TERB1: variants seen among roughly 807,000 people sequenced by gnomAD.
The protein encoded by TERB1 is telomere repeats-binding bouquet formation protein 1.
Under a neutral mutation model 92.3 loss-of-function variants are expected in TERB1, and 63 were observed. The observed-to-expected ratio is 0.68, with a 90% confidence interval of 0.56 to 0.84. TERB1 has a LOEUF of 0.84. TERB1 is among the 40% of genes least tolerant of loss of function. The pLI, the probability that TERB1 is intolerant of heterozygous loss-of-function variation, is 0.00. For missense variants in TERB1, 709 were observed against 843.7 expected, an observed-to-expected ratio of 0.84 and a Z score of 1.98; for synonymous variants, 252 against 283.9, an observed-to-expected ratio of 0.89 and a Z score of 1.13.
intron 12 of TERB1, 117 bp from the exon 13 acceptor site, chr16:66,772,866 C>A: frequency 1.3e-6 from 1 of 741,852 alleles, no homozygotes; most frequent in Non-Finnish European, 2.1e-6. Flanking sequence ...ACTATCTTAA[C>A]AGCTTAATTG....
At chr16:66,778,810 C>T in intron 10 of TERB1, 53 bp downstream of exon 10, 1 of 1,379,418 alleles carries the variant, frequency 7.2e-7, no homozygotes, top group Non-Finnish European at 9.7e-7. Context: ...ACTCTTCATG[C>T]TATATTCAAA....
intron 2 of TERB1, among the ~76,000 whole-genome samples, chr16:66,798,888 A>C (rs1467760844): frequency 6.6e-6 from 1 of 152,278 alleles, no homozygotes; most frequent in Non-Finnish European, 1.5e-5. Flanking sequence ...GGGAATTATA[A>C]GGACGAAGAT....
chr16:66,797,623 CCACA>C (rs71145942), intron 2 of TERB1, among the ~76,000 whole-genome samples: 537 of 140,924 alleles, frequency 3.8e-3, no homozygotes, highest in Middle Eastern at 0.01. Flanking sequence ...TAAAAACACA[CCACA>C]CACACACACA....
At chr16:66,773,323 G>A (rs1259080180) in intron 12 of TERB1, among the ~76,000 whole-genome samples, 1 of 152,186 alleles carries the variant, frequency 6.6e-6, no homozygotes, top group Non-Finnish European at 1.5e-5. Flanking sequence ...GACAGAGTGA[G>A]ACTTCGTCTC....
At chr16:66,758,943 C>T in intron 17 of TERB1, 105 bp from the exon 18 acceptor site, 1 of 954,588 alleles carries the variant, frequency 1.0e-6, no homozygotes, top group East Asian at 2.7e-5. Context: ...AGTGGGAATA[C>T]TTAGATAGAT....
intron 18 of TERB1, among the ~76,000 whole-genome samples, chr16:66,755,928 A>G (rs537189851): frequency 5.8e-4 from 88 of 152,300 alleles, no homozygotes; most frequent in Middle Eastern, 6.8e-3. Context: ...GGTCTTTTGA[A>G]ATTTGCTTTT....
At chr16:66,793,677 A>C (rs1343179135) in intron 3 of TERB1, among the ~76,000 whole-genome samples, 2 of 152,016 alleles carry the variant, frequency 1.3e-5, no homozygotes, top group Non-Finnish European at 2.9e-5. Flanking sequence ...ACGCCCAGCT[A>C]AATTTTTTTT....
At chr16:66,760,391 G>A (rs111813412) in intron 16 of TERB1, among the ~76,000 whole-genome samples, 16 of 140,544 alleles carry the variant, frequency 1.1e-4, no homozygotes, top group Admixed American at 6.5e-4. Context: ...CCCGCCAGGC[G>A]GAGGCTGCAG....
chr16:66,787,283 CTTTTTT>C (rs58213946), intron 6 of TERB1, among the ~76,000 whole-genome samples: 3 of 137,890 alleles, frequency 2.2e-5, no homozygotes, highest in African/African-American at 5.3e-5. Flanking sequence ...TTTTCTTTTT[CTTTTTT>C]TTTTTTTTTT....
intron 18 of TERB1, among the ~76,000 whole-genome samples, chr16:66,756,488 T>C (rs376809032): frequency 1.4e-4 from 21 of 152,204 alleles, no homozygotes; most frequent in African/African-American, 4.8e-4. Flanking sequence ...AGTCAATAAA[T>C]ACTTGTTGAG....
intron 18 of TERB1, among the ~76,000 whole-genome samples, chr16:66,757,244 G>C (rs766660944): frequency 1.3e-5 from 2 of 152,134 alleles, no homozygotes; most frequent in Non-Finnish European, 2.9e-5. Flanking sequence ...ACAAAAAAAA[G>C]GCATGTTTTT....
At position 66,772,645 on chromosome 16, in the gene TERB1, T is replaced by G. The variant is rs747784647; in HGVS notation, c.1216A>C (p.Arg406=). 2 of 1,551,584 alleles carry G rather than the reference T, an allele frequency of 1.3e-6. No homozygotes were observed. The stretch of plus-strand genomic sequence containing the variant: ...CTGTGTAGAATTTCCTTTGCTTTCC[T>G]CCAGTGCTCTTCAAGATTATTCTCC... ...VKENNLEEHW[R]KAKEILHRIE... Residue 406 remains arginine, a synonymous_variant, in exon 13 of 19, where the codon AGG becomes CGG. Coordinates refer to ENST00000433154, the MANE Select transcript of TERB1 (RefSeq NM_001136505.2).
At chr16:66,775,027 G>T in intron 12 of TERB1, 91 bp downstream of exon 12, 1 of 1,320,590 alleles carries the variant, frequency 7.6e-7, no homozygotes, top group Non-Finnish European at 1.0e-6. Context: ...AGAAGAATCT[G>T]AGAGCTATAG....
At chr16:66,798,204 G>A in intron 2 of TERB1, among the ~76,000 whole-genome samples, 1 of 144,284 alleles carries the variant, frequency 6.9e-6, no homozygotes, top group African/African-American at 2.6e-5. Flanking sequence ...TTAAGAGATA[G>A]GGTCTCAATC....
intron 18 of TERB1, chr16:66,758,561 T>C (rs1453041976): frequency 2.7e-5 from 11 of 414,870 alleles, no homozygotes; most frequent in Non-Finnish European, 4.7e-5. Flanking sequence ...GCCAACATGG[T>C]GAAACCCCAT....
intron 5 of TERB1, among the ~76,000 whole-genome samples, chr16:66,789,889 T>C (rs2018799632): frequency 2.0e-5 from 3 of 151,996 alleles, no homozygotes; most frequent in Non-Finnish European, 4.4e-5. Context: ...ATTTGTATTT[T>C]TGGTAGAGAT....
At chr16:66,797,421 G>C (rs1189442810) in intron 2 of TERB1, among the ~76,000 whole-genome samples, 1 of 151,642 alleles carries the variant, frequency 6.6e-6, no homozygotes. Flanking sequence ...ATTTTTTGTA[G>C]AGACGGGGTT....
At chr16:66,789,258 C>T (rs918917399) in intron 5 of TERB1, among the ~76,000 whole-genome samples, 16 of 151,822 alleles carry the variant, frequency 1.1e-4, no homozygotes, top group African/African-American at 3.9e-4. Flanking sequence ...ATATATACAC[C>T]TATTATATAG....
intron 9 of TERB1, among the ~76,000 whole-genome samples, chr16:66,780,970 C>CTTTTTA (rs56233225): frequency 0.48 from 72,690 of 151,544 alleles, 17,835 homozygotes; most frequent in East Asian, 0.63. Flanking sequence ...AACATGACCA[C>CTTTTTA]TTTTTAACAT....
Sources: allele counts gnomAD v4.1 joint callset (sites outside exome capture counted in the v4.1 genomes callset), GRCh38; gene constraint gnomAD v4.1.1; transcripts MANE v1.5; gene names NCBI Gene and HGNC (gene_info 2026-07-23, HGNC 2026-07-21).